OSCAR: variants seen among roughly 807,000 people sequenced by gnomAD.
The protein encoded by OSCAR is osteoclast associated Ig-like receptor.
Under a neutral mutation model 27.3 loss-of-function variants are expected in OSCAR, and 25 were observed. That is an observed-to-expected ratio of 0.92 (90% CI 0.67 to 1.28). The LOEUF is 1.28. Among genes scored for constraint, OSCAR ranks in the 50% most tolerant of loss-of-function variants. OSCAR has a pLI of 0.00. For missense variants in OSCAR, 354 were observed against 355.1 expected (o/e 1.00, Z 0.03); for synonymous variants, 158 against 165.7 (o/e 0.95, Z 0.36).
Position 54,095,282 on chromosome 19 carries a change from C to T in OSCAR, c.731G>A (p.Gly244Asp), listed in dbSNP as rs763211885. The T allele has an allele frequency of 6.2e-7, 1 of 1,601,518 alleles. No homozygotes were observed. Among genetic ancestry groups the T allele is most frequent in the Non-Finnish European group, 8.5e-7 (1 of 1,174,780 alleles). ...GLAGLVLISL[G>D]ALVTFDWRSQ... ...GCGCCAGTCAAAAGTGACCAGCGCG[C>T]CCAGGGAGATGAGGACCAGCCCGGC... Residue 244 changes from glycine (G) to aspartate (D), a missense_variant, in exon 5 of 5, where the codon GGC (glycine) becomes GAC (aspartate). Coordinates refer to ENST00000358375, the MANE Select transcript of OSCAR (RefSeq NM_133169.6).
chr19:54,099,553 GC>G, intron 2 of OSCAR, 194 bp downstream of exon 2: 1 of 1,539,836 alleles, frequency 6.5e-7, no homozygotes, highest in Non-Finnish European at 9.0e-7. Context: ...CCTAGCTTAG[GC>G]CTCTGCCTCA....
At chr19:54,096,724 G>T in intron 3 of OSCAR, 138 bp downstream of exon 3, 1 of 915,696 alleles carries the variant, frequency 1.1e-6, no homozygotes. Context: ...TCTCCCCCTA[G>T]TGTCTCTGTA....
At chr19:54,100,107 G>A (rs10408999) in intron 1 of OSCAR, among the ~76,000 whole-genome samples, 95,084 of 151,824 alleles carry the variant, frequency 0.63, 30,072 homozygotes, top group Non-Finnish European at 0.67. Context: ...GGCATGAGCC[G>A]CTGCGCCCAA....
chr19:54,097,200 C>T, intron 2 of OSCAR, 36 bp from the exon 3 acceptor site: 1 of 1,563,618 alleles, frequency 6.4e-7, no homozygotes, highest in Non-Finnish European at 8.7e-7. Flanking sequence ...CTCGGGCCTC[C>T]TGGGAGCCCC....
chr19:54,100,146 G>A (rs1372971172), intron 1 of OSCAR, among the ~76,000 whole-genome samples: 15 of 152,128 alleles, frequency 9.9e-5, no homozygotes, highest in African/African-American at 3.6e-4. Flanking sequence ...ACCCTTTGTG[G>A]CCAGCCCCAT....
chr19:54,095,794 C>A, intron 4 of OSCAR, 78 bp downstream of exon 4: 1 of 1,544,994 alleles, frequency 6.5e-7, no homozygotes, highest in Middle Eastern at 1.9e-4. Context: ...GGGGCCTGGG[C>A]TCCTGGGTCT....
chr19:54,098,313 C>T (rs920704396), intron 2 of OSCAR, among the ~76,000 whole-genome samples: 1 of 152,062 alleles, frequency 6.6e-6, no homozygotes, highest in Admixed American at 6.6e-5. Context: ...AGCTGTAATC[C>T]CAGCACTTTG....
At chr19:54,096,832 C>T (rs1482064180) in intron 3 of OSCAR, 30 bp downstream of exon 3, 1 of 1,600,542 alleles carries the variant, frequency 6.2e-7, no homozygotes, top group South Asian at 1.1e-5. Flanking sequence ...TTGTTCCACC[C>T]ACTTCTCCTC....
chr19:54,098,565 G>A (rs1357127758), intron 2 of OSCAR, among the ~76,000 whole-genome samples: 1 of 151,366 alleles, frequency 6.6e-6, no homozygotes, highest in Admixed American at 6.6e-5. Context: ...ACTCCATGGT[G>A]GCATGCACTT....
At chr19:54,099,587 C>T in intron 2 of OSCAR, 161 bp downstream of exon 2, 1 of 1,604,590 alleles carries the variant, frequency 6.2e-7, no homozygotes, top group East Asian at 2.2e-5. Flanking sequence ...CTTCAGTACT[C>T]ACCTATAATG....
Position 54,100,753 on chromosome 19 carries a change from C to G in OSCAR, c.37+3G>C, listed in dbSNP as rs2073004516. The stretch of plus-strand genomic sequence containing the variant: ...ACCCAGGGAGAAGAAAGGGGTGACT[C>G]ACAGAGGGTCAGCAGCTGGAGGATC... On this transcript the variant is annotated splice_donor_region_variant and intron_variant, in intron 1 of 4. Transcript: ENST00000358375. 1.3e-6 allele frequency: 2 copies of G among 1,551,894 alleles called. No individual in the cohort carries two copies. Among genetic ancestry groups the G allele is most frequent in the Admixed American group, 3.9e-5 (2 of 51,000 alleles).
chr19:54,096,757 A>C, intron 3 of OSCAR, 105 bp downstream of exon 3: 1 of 1,247,634 alleles, frequency 8.0e-7, no homozygotes, highest in Non-Finnish European at 1.1e-6. Flanking sequence ...TGTGTCTGTG[A>C]ATCTGTTTGC....
At chr19:54,096,312 C>G (rs1335635200) in intron 3 of OSCAR, among the ~76,000 whole-genome samples, 159 bp from the exon 4 acceptor site, 4 of 150,506 alleles carry the variant, frequency 2.7e-5, no homozygotes, top group Admixed American at 2.7e-4. Flanking sequence ...CTGCCTCTCT[C>G]TCTGCCTCCC....
intron 1 of OSCAR, among the ~76,000 whole-genome samples, chr19:54,100,361 G>T (rs953273922): frequency 6.6e-6 from 1 of 152,100 alleles, no homozygotes; most frequent in Non-Finnish European, 1.5e-5. Flanking sequence ...AACAATGATC[G>T]TAGAGTTTCT....
rs587684246 is a variant in OSCAR, at chr19:54,096,276, T to C, written c.374-123A>G. 1,251 of 862,296 alleles carry C rather than the reference T, an allele frequency of 1.5e-3. 19 individuals carry two copies. The African/African-American group carries it at 0.021, about 15-fold the overall frequency. The allele number at this position is 862,296 out of a possible 1,614,324, so 53.4% of individuals were successfully genotyped here. Reference sequence around the variant, plus strand: ...CCTCTCTCTCTCTTTCTGCCTCTCTTTCTCTCTGCCTGTCTCTCTCTCTGT... The same window carrying C: ...CCTCTCTCTCTCTTTCTGCCTCTCTCTCTCTCTGCCTGTCTCTCTCTCTGT... On this transcript the variant is annotated intron_variant, in intron 3 of 4. Coordinates refer to ENST00000358375, the MANE Select transcript of OSCAR (RefSeq NM_133169.6).
At position 54,094,688 on chromosome 19, in the gene OSCAR, T is replaced by C. The variant is rs1422474453; in HGVS notation, c.*533A>G. On this transcript the variant is annotated 3_prime_UTR_variant, in exon 5 of 5. Coordinates refer to ENST00000358375, the MANE Select transcript of OSCAR (RefSeq NM_133169.6). ...AAGAGTTAGCAGCAGCAAGATTTAT[T>C]GTGTAGAGCAAGAGAACAAAGCTCC... 1 of 152,314 alleles carries C rather than the reference T, an allele frequency of 6.6e-6. No homozygotes were observed. Among genetic ancestry groups the C allele is most frequent in the Non-Finnish European group, 1.5e-5 (1 of 68,162 alleles). The allele number at this position is 152,314 out of a possible 1,614,324, so 9.4% of individuals were successfully genotyped here.
In OSCAR at chr19:54,100,771, G is replaced by A. The variant is rs1364232300; in HGVS notation, c.22C>T (p.Gln8Ter). 1 of 1,552,260 alleles carries A rather than the reference G, an allele frequency of 6.4e-7. No individual in the cohort carries two copies. The highest frequency in any genetic ancestry group is 1.2e-5 in the South Asian group (1 of 84,078). MALVLILQLLTLWPLCHT... is the reference protein window; with the variant it reads MALVLIL ...GGTGACTCACAGAGGGTCAGCAGCTGGAGGATCAGCACCAGGGCCATGGTG... is the reference window on the plus strand; with the variant it reads ...GGTGACTCACAGAGGGTCAGCAGCTAGAGGATCAGCACCAGGGCCATGGTG... The change falls in exon 1 of 5, where the codon CAG (glutamine) becomes TAG (stop). Residue 8 changes from glutamine to a stop codon, truncating the protein, a stop_gained. Coordinates refer to ENST00000358375, the MANE Select transcript of OSCAR (RefSeq NM_133169.6). LOFTEE classifies it high-confidence loss of function.
At position 54,095,916 on chromosome 19, in the gene OSCAR, T is replaced by C. The variant is rs1250673633; in HGVS notation, c.611A>G (p.Tyr204Cys). ...CACCTCGCTGCGCTGCGACAGCACGTAGGGCGCGGAGGGCGTGTGATAGTA... is the reference window on the plus strand; with the variant it reads ...CACCTCGCTGCGCTGCGACAGCACGCAGGGCGCGGAGGGCGTGTGATAGTA... ...SCYYHTPSAP[Y>C]VLSQRSEVLV... The change falls in exon 4 of 5, where the codon TAC becomes TGC. Residue 204 changes from tyrosine to cysteine, a missense_variant. Physicochemically the swap from Tyr to Cys is radical, Grantham distance 194. Transcript: ENST00000358375. 7 of 1,579,016 alleles carry C rather than the reference T, an allele frequency of 4.4e-6. No homozygotes were observed. The highest frequency in any genetic ancestry group is 6.0e-6 in the Non-Finnish European group (7 of 1,162,716).
rs368956574 is a variant in OSCAR at position 54,099,525 on chromosome 19, C to T, written c.70+223G>A. ...TCATATGGTCACATATAAATGAATACGATGGTGAAACTGAGGTCCTAGCTT... is the reference window on the plus strand; with the variant it reads ...TCATATGGTCACATATAAATGAATATGATGGTGAAACTGAGGTCCTAGCTT... On this transcript the variant is annotated intron_variant, in intron 2 of 4. Transcript: ENST00000358375. The T allele has an allele frequency of 4.1e-5, 57 of 1,406,020 alleles. No individual in the cohort carries two copies. In the African/African-American group the frequency reaches 5.5e-4, roughly 14 times the overall value. 87.1% of individuals were successfully genotyped at this position (1,406,020 alleles called of 1,614,324 possible).
Sources: gnomAD v4.1 joint callset for allele counts (sites outside exome capture counted in the v4.1 genomes callset) on GRCh38, gnomAD v4.1.1 for gene constraint, MANE v1.5 for transcripts, NCBI Gene and HGNC (gene_info 2026-07-23, HGNC 2026-07-21) for gene names.